The following PARVA variants were observed in gnomAD, a reference collection of about 807,000 sequenced individuals.
The protein encoded by PARVA is alpha-parvin.
PARVA carries 25 observed loss-of-function variants against 52.6 expected under a neutral mutation model. The ratio of observed to expected loss-of-function variants is 0.48; its 90% CI spans 0.35 to 0.66. The LOEUF is 0.66. PARVA is among the 30% of genes least tolerant of loss of function. The pLI is 0.01. For missense variants in PARVA, 373 were observed against 450.9 expected, an observed-to-expected ratio of 0.83 and a Z score of 1.56; for synonymous variants, 185 against 179.1, an observed-to-expected ratio of 1.03 and a Z score of -0.26.
At chr11:12,454,457 C>G (rs2135017302) in intron 1 of PARVA, among the ~76,000 whole-genome samples, 1 of 151,828 alleles carries the variant, frequency 6.6e-6, no homozygotes, top group Non-Finnish European at 1.5e-5. Flanking sequence ...ATATTTTTTT[C>G]AGATGGACAT....
chr11:12,471,839 A>G (rs1940938957), intron 1 of PARVA, among the ~76,000 whole-genome samples: 1 of 152,224 alleles, frequency 6.6e-6, no homozygotes, highest in Admixed American at 6.5e-5. Flanking sequence ...CAGTGTAGCT[A>G]CAGGAGAGAA....
intron 12 of PARVA, among the ~76,000 whole-genome samples, chr11:12,523,631 CA>C (rs1296629170): frequency 6.6e-6 from 1 of 152,088 alleles, no homozygotes; most frequent in African/African-American, 2.4e-5. Context: ...GGGGGAGGAG[CA>C]AACAATGAGC....
At chr11:12,430,591 T>G (rs1009271288) in intron 1 of PARVA, among the ~76,000 whole-genome samples, 1 of 151,984 alleles carries the variant, frequency 6.6e-6, no homozygotes, top group Non-Finnish European at 1.5e-5. Context: ...CTGTGGGGGG[T>G]TTGACATGGA....
At chr11:12,509,721 C>T (rs1406761049) in intron 7 of PARVA, among the ~76,000 whole-genome samples, 1 of 152,158 alleles carries the variant, frequency 6.6e-6, no homozygotes, top group Non-Finnish European at 1.5e-5. Flanking sequence ...CTATAGAGAC[C>T]CCATCAAGCA....
At chr11:12,468,693 A>C (rs1327374032) in intron 1 of PARVA, among the ~76,000 whole-genome samples, 1 of 152,198 alleles carries the variant, frequency 6.6e-6, no homozygotes, top group Non-Finnish European at 1.5e-5. Context: ...TAGTATCAAC[A>C]AGAACCCCAT....
rs1486165632 is a variant in PARVA at position 12,514,033 on chromosome 11, CTG to C, written c.836_837del (p.Leu279GlnfsTer42). ...ITFVNKHLNK[L>X]NLEVTELETQ... The stretch of plus-strand genomic sequence containing the variant: ...TTTCGTGAACAAGCACCTGAATAAA[CTG>C]AACCTGGAGGTCACAGAACTGGAAA... On this transcript the variant is annotated frameshift_variant, in exon 10 of 13. Transcript: ENST00000334956. LOFTEE classifies it high-confidence loss of function. 7.4e-6 allele frequency: 12 copies of C among 1,613,952 alleles called. No homozygotes were observed. The highest frequency in any genetic ancestry group is 1.3e-5 in the African/African-American group (1 of 74,956).
At chr11:12,519,844 C>A (rs1941615270) in intron 12 of PARVA, among the ~76,000 whole-genome samples, 1 of 152,206 alleles carries the variant, frequency 6.6e-6, no homozygotes, top group Non-Finnish European at 1.5e-5. Flanking sequence ...TCTAGCAAGG[C>A]TGGTGTCCCC....
At chr11:12,465,876 G>A (rs1364169456) in intron 1 of PARVA, among the ~76,000 whole-genome samples, 1 of 152,192 alleles carries the variant, frequency 6.6e-6, no homozygotes, top group Non-Finnish European at 1.5e-5. Context: ...TAAATACCTA[G>A]GAGCTTGACT....
chr11:12,382,900 A>G (rs556548960), intron 1 of PARVA, among the ~76,000 whole-genome samples: 2 of 152,334 alleles, frequency 1.3e-5, no homozygotes, highest in Non-Finnish European at 2.9e-5. Flanking sequence ...GGCACAAGTA[A>G]TGGTAGCTAT....
At chr11:12,492,342 C>T (rs1030582066) in intron 4 of PARVA, among the ~76,000 whole-genome samples, 4 of 152,078 alleles carry the variant, frequency 2.6e-5, no homozygotes, top group Admixed American at 2.0e-4. Flanking sequence ...AAAATCATGC[C>T]TAATACTTAT....
chr11:12,425,023 T>C (rs1940209500), intron 1 of PARVA, among the ~76,000 whole-genome samples: 1 of 152,210 alleles, frequency 6.6e-6, no homozygotes, highest in Non-Finnish European at 1.5e-5. Flanking sequence ...CTCCCCCTCT[T>C]TCAATTGGTG....
chr11:12,429,952 T>A (rs1447129858), intron 1 of PARVA, among the ~76,000 whole-genome samples: 1 of 152,190 alleles, frequency 6.6e-6, no homozygotes, highest in Non-Finnish European at 1.5e-5. Flanking sequence ...TGGAAGAATA[T>A]TTTCCTTTTT....
At chr11:12,471,246 C>T (rs1315737790) in intron 1 of PARVA, among the ~76,000 whole-genome samples, 3 of 152,072 alleles carry the variant, frequency 2.0e-5, no homozygotes, top group Non-Finnish European at 4.4e-5. Context: ...TATTAGTAGA[C>T]CTAAGAGGAG....
In PARVA at chr11:12,432,390, G is replaced by A. The variant is rs1368823564; in HGVS notation, c.137-41355G>A. Among the ~76,000 whole-genome samples the A allele has an allele frequency of 4.6e-5, 7 of 152,338 alleles. No homozygotes were observed. The South Asian group carries it at 1.2e-3, about 27-fold the overall frequency. On this transcript the variant is annotated intron_variant, in intron 1 of 12. Coordinates refer to ENST00000334956, the MANE Select transcript of PARVA (RefSeq NM_018222.5). ...GGAGAGAGTACAAATAGATGTGAAT[G>A]TCATTTTATCTAATTGAAGATGAAT...
Position 12,496,510 on chromosome 11 carries a change from T to G in PARVA, c.453T>G (p.Ile151Met). Residue 151 changes from isoleucine (I) to methionine (M), a missense_variant, in exon 5 of 13, where the codon ATT becomes ATG. Ile to Met is a conservative substitution (Grantham distance 10, BLOSUM62 1). Transcript: ENST00000334956. ...TGGCTGAGGTCACCCAGTCAGAGAT[T>G]GCTCAGAAGCAAAAACTGCAGACTG... Reference protein sequence around the residue: ...LNVAEVTQSEIAQKQKLQTVL... With the variant: ...LNVAEVTQSEMAQKQKLQTVL... 1 of 1,609,670 alleles carries G rather than the reference T, an allele frequency of 6.2e-7. No individual in the cohort carries two copies. The highest frequency in any genetic ancestry group is 8.5e-7 in the Non-Finnish European group (1 of 1,178,078).
Position 12,534,253 on chromosome 11 carries a change from T to C in PARVA, c.*6328T>C, listed in dbSNP as rs1290829197. ...CATTGTTGTTCAAGGGTCAATTGTA[T>C]ATTATTTTCACTGGAAGTTTTGAAA... is the stretch of plus-strand genomic sequence containing the variant. On this transcript the variant is annotated 3_prime_UTR_variant, in exon 13 of 13. Coordinates refer to ENST00000334956, the MANE Select transcript of PARVA (RefSeq NM_018222.5). 6.6e-6 allele frequency among the ~76,000 whole-genome samples: 1 copy of C among 152,300 alleles called. No homozygotes were observed. Among genetic ancestry groups the C allele is most frequent in the East Asian group, 1.9e-4 (1 of 5,186 alleles).
intron 10 of PARVA, among the ~76,000 whole-genome samples, 180 bp from the exon 11 acceptor site, chr11:12,517,430 C>T (rs1248977660): frequency 6.6e-6 from 1 of 151,526 alleles, no homozygotes; most frequent in Non-Finnish European, 1.5e-5. Context: ...GGCTCCTGTG[C>T]CAGCCAGACG....
intron 1 of PARVA, among the ~76,000 whole-genome samples, chr11:12,457,204 A>C (rs1032328452): frequency 2.6e-5 from 4 of 152,224 alleles, no homozygotes; most frequent in Admixed American, 2.6e-4. Context: ...TGCAATCAGC[A>C]GAACGTCAGA....
Position 12,513,351 on chromosome 11 carries a change from G to A in PARVA, c.789G>A (p.Val263=). The A allele has an allele frequency of 1.2e-6, 2 of 1,613,766 alleles. No individual in the cohort carries two copies. The highest frequency in any genetic ancestry group is 1.7e-6 in the Non-Finnish European group (2 of 1,179,674). The change falls in exon 9 of 13, where the codon GTG becomes GTA. Residue 263 remains valine, a synonymous_variant. Coordinates refer to ENST00000334956, the MANE Select transcript of PARVA (RefSeq NM_018222.5). The part of the protein sequence containing the change: ...LFDHAPDKLN[V]VKKTLITFVN... Reference sequence around the variant, plus strand: ...ACCATGCCCCAGACAAGCTGAATGTGGTGAAAAAGGTGGGAAAGGGGTGCC... The same window carrying A: ...ACCATGCCCCAGACAAGCTGAATGTAGTGAAAAAGGTGGGAAAGGGGTGCC...
Sources: gnomAD v4.1 joint callset for allele counts (sites outside exome capture counted in the v4.1 genomes callset) on GRCh38, gnomAD v4.1.1 for gene constraint, MANE v1.5 for transcripts, NCBI Gene and HGNC (gene_info 2026-07-23, HGNC 2026-07-21) for gene names.